The following PPP1CB variants were observed in gnomAD, a reference collection of about 807,000 sequenced individuals.
The protein encoded by PPP1CB is protein phosphatase 1 catalytic subunit beta.
In PPP1CB, 2 loss-of-function variants were observed where a neutral mutation model predicts 43.7. The ratio of observed to expected loss-of-function variants is 0.05; its 90% CI spans 0.02 to 0.14. The LOEUF (loss-of-function observed/expected upper bound fraction) is 0.14. PPP1CB is among the 10% of genes least tolerant of loss of function. PPP1CB has a pLI of 1.00. For synonymous variants in PPP1CB, 136 were observed against 135.6 expected, an observed-to-expected ratio of 1.00 and a Z score of -0.02; for missense variants, 84 against 398.0, an observed-to-expected ratio of 0.21 and a Z score of 6.71.
intron 5 of PPP1CB, among the ~76,000 whole-genome samples, chr2:28,784,917 CAAA>C (rs869155670): frequency 8.8e-5 from 7 of 79,104 alleles, no homozygotes; most frequent in East Asian, 4.7e-4. Flanking sequence ...GAAACTGTCT[CAAA>C]AAAAAAAAAA....
chr2:28,781,187 A>AT (rs1378029146), intron 3 of PPP1CB, among the ~76,000 whole-genome samples: 6 of 152,076 alleles, frequency 3.9e-5, no homozygotes, highest in East Asian at 3.9e-4. Context: ...AATCTTTGGG[A>AT]TTTTTTAAGT....
intron 3 of PPP1CB, among the ~76,000 whole-genome samples, chr2:28,780,084 C>CTTTTTTTTTTT (rs10559224): frequency 1.4e-4 from 18 of 131,798 alleles, no homozygotes; most frequent in East Asian, 1.0e-3. Flanking sequence ...TCTTTTCTTT[C>CTTTTTTTTTTT]TTTTTTTTTT....
At position 28,790,741 on chromosome 2, in the gene PPP1CB, A is replaced by G. The variant is rs114910112; in HGVS notation, c.744+1932A>G. ...TACTTGAGTGTGTAGAGGTAAAATGACATGCCTGGGATTTGCTTTAAAATA... is the reference window on the plus strand; with the variant it reads ...TACTTGAGTGTGTAGAGGTAAAATGGCATGCCTGGGATTTGCTTTAAAATA... On this transcript the variant is annotated intron_variant, in intron 6 of 7. Transcript: ENST00000395366. 8.4e-3 allele frequency among the ~76,000 whole-genome samples: 1,273 copies of G among 152,334 alleles called. 16 individuals carry two copies. The highest frequency in any genetic ancestry group is 0.029 in the African/African-American group (1,211 of 41,578).
At chr2:28,776,232 T>TG (rs1667037767) in intron 1 of PPP1CB, among the ~76,000 whole-genome samples, 1 of 150,620 alleles carries the variant, frequency 6.6e-6, no homozygotes, top group Non-Finnish European at 1.5e-5. Flanking sequence ...TTTGTGTGTG[T>TG]TTTTTTTGTT....
chr2:28,765,895 G>GACCACGC (rs1666768490), intron 1 of PPP1CB, among the ~76,000 whole-genome samples: 1 of 152,310 alleles, frequency 6.6e-6, no homozygotes, highest in East Asian at 1.9e-4. Flanking sequence ...AATAAAGCAA[G>GACCACGC]ACCACATCTC....
intron 7 of PPP1CB, among the ~76,000 whole-genome samples, chr2:28,797,883 G>A (rs940919173): frequency 6.6e-6 from 1 of 152,100 alleles, no homozygotes; most frequent in Non-Finnish European, 1.5e-5. Flanking sequence ...CTTTTGCAAA[G>A]GCTATTCTAT....
rs193013986 is a variant in PPP1CB at position 28,787,010 on chromosome 2, T to C, written c.593-1648T>C. ...GCTTGGGATATATCAATGATAGAGATTGAATACATTGCCACTAATTCTACA... is the reference window on the plus strand; with the variant it reads ...GCTTGGGATATATCAATGATAGAGACTGAATACATTGCCACTAATTCTACA... On this transcript the variant is annotated intron_variant, in intron 5 of 7. Transcript: ENST00000395366. Among the ~76,000 whole-genome samples the C allele has an allele frequency of 2.7e-3, 408 of 152,242 alleles. 3 individuals carry two copies. The highest frequency in any genetic ancestry group is 8.1e-3 in the African/African-American group (335 of 41,546).
intron 6 of PPP1CB, among the ~76,000 whole-genome samples, chr2:28,792,493 G>T (rs1450542522): frequency 6.6e-6 from 1 of 152,130 alleles, no homozygotes; most frequent in Admixed American, 6.5e-5. Context: ...CTACACTCCA[G>T]CCTAGGCAGC....
At chr2:28,756,814 A>G (rs954845110) in intron 1 of PPP1CB, among the ~76,000 whole-genome samples, 2 of 152,228 alleles carry the variant, frequency 1.3e-5, no homozygotes, top group East Asian at 3.9e-4. Context: ...AGGTTAAAAA[A>G]AATGAATGGA....
At chr2:28,790,106 A>C (rs1245514668) in intron 6 of PPP1CB, among the ~76,000 whole-genome samples, 1 of 151,678 alleles carries the variant, frequency 6.6e-6, no homozygotes, top group Non-Finnish European at 1.5e-5. Flanking sequence ...ACATGACAAA[A>C]CTCTGTCTCC....
At position 28,794,013 on chromosome 2, in the gene PPP1CB, A is replaced by G. The variant is rs527517834; in HGVS notation, c.879+16A>G. The G allele has an allele frequency of 1.8e-5, 28 of 1,582,454 alleles. No homozygotes were observed. In the South Asian group the frequency reaches 3.1e-4, roughly 17 times the overall value. On this transcript the variant is annotated intron_variant, in intron 7 of 7. Coordinates refer to ENST00000395366, the MANE Select transcript of PPP1CB (RefSeq NM_002709.3). Reference sequence around the variant, plus strand: ...TTCATTTCAGGTATGATGTAAACATAAATATATAAGAACTAGAAATCTAAT... The same window carrying G: ...TTCATTTCAGGTATGATGTAAACATGAATATATAAGAACTAGAAATCTAAT...
rs61305824 is a variant in PPP1CB at position 28,778,596 on chromosome 2, G to T, written c.185-213G>T. 420 of 556,576 alleles carry T rather than the reference G, an allele frequency of 7.5e-4. 1 individual carries two copies. The highest frequency in any genetic ancestry group is 7.1e-3 in the African/African-American group (379 of 53,142). The allele number at this position is 556,576 out of a possible 1,614,324, so 34.5% of individuals were successfully genotyped here. A position where few individuals can be genotyped will look rare whatever the true frequency, so the allele number is the denominator to read the frequency against. Reference sequence around the variant, plus strand: ...TCAGCGAGCATGGAAGAAGGTGAGAGAGTGCAAGCAAGATGAAAGTCACAG... The same window carrying T: ...TCAGCGAGCATGGAAGAAGGTGAGATAGTGCAAGCAAGATGAAAGTCACAG... On this transcript the variant is annotated intron_variant, in intron 2 of 7. Transcript: ENST00000395366.
chr2:28,785,276 A>G (rs1350890301), intron 5 of PPP1CB, among the ~76,000 whole-genome samples: 1 of 151,110 alleles, frequency 6.6e-6, no homozygotes, highest in Non-Finnish European at 1.5e-5. Flanking sequence ...GGGTTTCACC[A>G]TGTTGGCCAG....
At chr2:28,779,161 G>C in intron 3 of PPP1CB, 122 bp downstream of exon 3, 1 of 674,296 alleles carries the variant, frequency 1.5e-6, no homozygotes, top group Non-Finnish European at 2.4e-6. Context: ...GCATAGGCCA[G>C]GAAGAGGAAC....
chr2:28,789,353 C>A (rs1281969462), intron 6 of PPP1CB, among the ~76,000 whole-genome samples: 1 of 151,524 alleles, frequency 6.6e-6, no homozygotes, highest in East Asian at 2.0e-4. Flanking sequence ...CAAAAAAAAT[C>A]AAAAATTTAG....
chr2:28,769,453 C>A (rs1283296696), intron 1 of PPP1CB, among the ~76,000 whole-genome samples: 1 of 152,100 alleles, frequency 6.6e-6, no homozygotes, highest in Non-Finnish European at 1.5e-5. Flanking sequence ...TCAGGCTGGT[C>A]TAGAATTCTA....
chr2:28,779,451 G>A (rs1169967141), intron 3 of PPP1CB, among the ~76,000 whole-genome samples: 1 of 152,120 alleles, frequency 6.6e-6, no homozygotes, highest in East Asian at 1.9e-4. Context: ...AAAAGTCAAA[G>A]TTTAATATTA....
chr2:28,765,934 A>G (rs895422157), intron 1 of PPP1CB, among the ~76,000 whole-genome samples: 6 of 152,132 alleles, frequency 3.9e-5, no homozygotes, highest in Non-Finnish European at 7.4e-5. Flanking sequence ...AAATAAAGCA[A>G]CTTGCTTTAA....
chr2:28,784,509 C>T (rs13414150), intron 5 of PPP1CB, among the ~76,000 whole-genome samples: 5,562 of 152,124 alleles, frequency 0.037, 361 homozygotes, highest in African/African-American at 0.13. Context: ...AGCAATCCTC[C>T]TGCCTCTTCT....
Sources: gnomAD v4.1 joint callset for allele counts (sites outside exome capture counted in the v4.1 genomes callset) on GRCh38, gnomAD v4.1.1 for gene constraint, MANE v1.5 for transcripts, NCBI Gene and HGNC (gene_info 2026-07-23, HGNC 2026-07-21) for gene names.